Variants in COL6A2 observed in about 807,000 individuals in gnomAD.
COL6A2 encodes collagen alpha-2(VI) chain.
COL6A2 carries 90 observed loss-of-function variants against 124.9 expected under a neutral mutation model. The ratio of observed to expected loss-of-function variants is 0.72; its 90% CI spans 0.61 to 0.86. The LOEUF is 0.86. Ranked by LOEUF, COL6A2 falls within the 40% of genes least tolerant of loss-of-function variation. The pLI is 0.00. For missense variants in COL6A2, 1,607 were observed against 1,502.5 expected, an observed-to-expected ratio of 1.07 and a Z score of -1.15; for synonymous variants, 793 against 618.2, an observed-to-expected ratio of 1.28 and a Z score of -4.19.
At position 46,116,380 on chromosome 21, in the gene COL6A2, G is replaced by T. The variant is rs755822013; in HGVS notation, c.904G>T (p.Val302Phe). 6.2e-7 allele frequency: 1 copy of T among 1,612,860 alleles called. No homozygotes were observed. Among genetic ancestry groups the T allele is most frequent in the South Asian group, 1.1e-5 (1 of 91,076 alleles). ...CCCTCTCTCCTCCTGCCCCCAGGGC[G>T]TTCCTGGCTTCAAAGGAGAGAAGGT... ...GPIGFPGPKG[V>F]PGFKGEKGEF... Residue 302 changes from valine (V) to phenylalanine (F), a missense_variant, in exon 8 of 28, where the codon GTT becomes TTT. Around this residue, in one of 3 missense-constraint regions of COL6A2, gnomAD observed 42 missense variants for 68.7 expected, o/e 0.61. Transcript: ENST00000300527. This position sits in a 1 kb window ranked among gnomAD's most constrained non-coding sequence, Gnocchi z 4.6.
chr21:46,125,594 C>T lies in COL6A2; in HGVS notation c.1946C>T (p.Ala649Val). 1.2e-6 allele frequency: 2 copies of T among 1,612,200 alleles called. No individual in the cohort carries two copies. The highest frequency in any genetic ancestry group is 2.7e-5 in the African/African-American group (2 of 74,968). ...INVVNRLGAI[A>V]KDPKSETGTR... ...GTGGTCAACAGGCTGGGTGCCATCGCTAAGGACCCCAAGTCCGAGACAGGT... is the reference window on the plus strand; with the variant it reads ...GTGGTCAACAGGCTGGGTGCCATCGTTAAGGACCCCAAGTCCGAGACAGGT... Residue 649 changes from alanine to valine, a missense_variant, in exon 25 of 28, where the codon GCT (alanine) becomes GTT (valine). Ala to Val is a moderately conservative substitution (Grantham distance 64). This residue lies in a region of COL6A2 where 1,223 missense variants were observed against 1,052.2 expected (regional missense o/e 1.16). Coordinates refer to ENST00000300527, the MANE Select transcript of COL6A2 (RefSeq NM_001849.4).
At position 46,112,431 on chromosome 21, in the gene COL6A2, G is replaced by A. The variant is rs150877061; in HGVS notation, c.568G>A (p.Val190Met). 246 of 1,609,336 alleles carry A rather than the reference G, an allele frequency of 1.5e-4. No homozygotes were observed. The African/African-American group carries it at 2.7e-3, about 18-fold the overall frequency. Residue 190 changes from valine to methionine, a missense_variant, in exon 3 of 28, where the codon GTG becomes ATG. Transcript: ENST00000300527. The stretch of plus-strand genomic sequence containing the variant: ...CGAGGAGGGCATCCGGCTCTTCGCC[G>A]TGGCCCCCAACCAGAACCTGAAGGA... ...AREEGIRLFA[V>M]APNQNLKEQG...
chr21:46,128,919 T>G, intron 27 of COL6A2: 2 of 1,613,094 alleles, frequency 1.2e-6, no homozygotes, highest in Non-Finnish European at 8.5e-7. Context: ...ACGGAGCTGT[T>G]TTGTGCTGAA....
chr21:46,132,799 G>C lies in COL6A2; in HGVS notation c.*247G>C, dbSNP rs1391479967. Reference sequence around the variant, plus strand: ...CCATCCCAAGGCTCCTGACCTACCTGGCCCCTGAGCTCTGGAGCAAGCCCT... The same window carrying C: ...CCATCCCAAGGCTCCTGACCTACCTCGCCCCTGAGCTCTGGAGCAAGCCCT... On this transcript the variant is annotated 3_prime_UTR_variant, in exon 28 of 28. Coordinates refer to ENST00000300527, the MANE Select transcript of COL6A2 (RefSeq NM_001849.4). 1.0e-5 allele frequency: 6 copies of C among 578,468 alleles called. No homozygotes were observed. Among genetic ancestry groups the C allele is most frequent in the Non-Finnish European group, 1.9e-5 (6 of 322,918 alleles). The allele number at this position is 578,468 out of a possible 1,614,324, so 35.8% of individuals were successfully genotyped here.
At chr21:46,106,310 T>C (rs2078334930) in intron 1 of COL6A2, among the ~76,000 whole-genome samples, 1 of 152,200 alleles carries the variant, frequency 6.6e-6, no homozygotes, top group South Asian at 2.1e-4. Flanking sequence ...ATGATGGTCA[T>C]ATGTGGGAGC....
chr21:46,104,413 C>T (rs1463823887), intron 1 of COL6A2, among the ~76,000 whole-genome samples: 1 of 152,084 alleles, frequency 6.6e-6, no homozygotes. Flanking sequence ...TAGAGAAATG[C>T]AAAGGCAGAT....
chr21:46,108,605 G>A (rs547831710), intron 1 of COL6A2, among the ~76,000 whole-genome samples: 21 of 152,230 alleles, frequency 1.4e-4, no homozygotes, highest in Admixed American at 2.6e-4. Context: ...TTCTTAGTTA[G>A]AAATTGATGT....
chr21:46,124,826 GAGAGACTCAGCCACCCAGCCTTGGCCCC>G (rs1037603923), intron 22 of COL6A2, 31 bp from the exon 23 acceptor site: 19 of 1,607,638 alleles, frequency 1.2e-5, no homozygotes, highest in South Asian at 7.7e-5. Flanking sequence ...AGTGGCCTGG[GAGAGACTCAGCCACCCAGCCTTGGCCCC>G]AGAGTCTCAG....
chr21:46,114,362 T>C (rs906276054), intron 5 of COL6A2, among the ~76,000 whole-genome samples: 1 of 150,998 alleles, frequency 6.6e-6, no homozygotes, highest in Non-Finnish European at 1.5e-5. Context: ...GAAGCGGAGG[T>C]TGCAGTGAGC....
chr21:46,115,931 T>C lies in COL6A2; in HGVS notation c.855+6T>C, dbSNP rs2123625729. The C allele has an allele frequency of 3.7e-6, 6 of 1,612,584 alleles. No homozygotes were observed. Among genetic ancestry groups the C allele is most frequent in the South Asian group, 2.2e-5 (2 of 91,058 alleles). On this transcript the variant is annotated splice_donor_region_variant and intron_variant, in intron 6 of 27. Coordinates refer to ENST00000300527, the MANE Select transcript of COL6A2 (RefSeq NM_001849.4). ...CTGGCCAGAAGGGAAGACAGGTGAG[T>C]GTCCTTGCCCCACGCCCGCCCCGCC... is the stretch of plus-strand genomic sequence containing the variant.
Position 46,125,600 on chromosome 21 carries a change from AC to A in COL6A2, c.1956del (p.Lys653SerfsTer102), listed in dbSNP as rs1004649901. On this transcript the variant is annotated frameshift_variant, in exon 25 of 28. Transcript: ENST00000300527. LOFTEE classifies it high-confidence loss of function. ...AACAGGCTGGGTGCCATCGCTAAGG[AC>A]CCCAAGTCCGAGACAGGTCAGCGGG... ...VVNRLGAIAK[D>X]PKSETGTRVG... The A allele has an allele frequency of 1.3e-6, 2 of 1,599,898 alleles. No individual in the cohort carries two copies.
At position 46,116,495 on chromosome 21, in the gene COL6A2, G is replaced by C; in HGVS notation, c.927+92G>C. On this transcript the variant is annotated intron_variant, in intron 8 of 27. Transcript: ENST00000300527. The surrounding 1 kb of genome is among the most constrained non-coding windows in gnomAD (Gnocchi z 4.6). The stretch of plus-strand genomic sequence containing the variant: ...CCGCCGCAGCCTGTCACTGCTCCTG[G>C]GGCACCGGCCTGGTCTTTTCTCAGT... 2 of 1,586,164 alleles carry C rather than the reference G, an allele frequency of 1.3e-6. No homozygotes were observed. Among genetic ancestry groups the C allele is most frequent in the Non-Finnish European group, 1.7e-6 (2 of 1,158,876 alleles).
chr21:46,121,689 C>G, intron 18 of COL6A2, 71 bp downstream of exon 18: 1 of 1,491,852 alleles, frequency 6.7e-7, no homozygotes, highest in Non-Finnish European at 9.3e-7. Context: ...GACAGGGGGC[C>G]GGCCTGGGGG....
intron 4 of COL6A2, chr21:46,113,716 C>T: frequency 2.0e-6 from 1 of 504,938 alleles, no homozygotes. Context: ...GTGAGCTGCA[C>T]CCGGCCTTTC....
chr21:46,112,382 C>G lies in COL6A2; in HGVS notation c.519C>G (p.Ile173Met). The G allele has an allele frequency of 6.2e-7, 1 of 1,608,234 alleles. No homozygotes were observed. Among genetic ancestry groups the G allele is most frequent in the South Asian group, 1.1e-5 (1 of 90,904 alleles). Residue 173 changes from isoleucine to methionine, a missense_variant, in exon 3 of 28, where the codon ATC (isoleucine) becomes ATG (methionine). Ile to Met is a conservative substitution (Grantham distance 10). Around this residue, in one of 3 missense-constraint regions of COL6A2, gnomAD observed 342 missense variants for 381.5 expected, o/e 0.90. Coordinates refer to ENST00000300527, the MANE Select transcript of COL6A2 (RefSeq NM_001849.4). Reference protein sequence around the residue: ...GHVTGSPCGGIKLQAERAREE... With the variant: ...GHVTGSPCGGMKLQAERAREE... Reference sequence around the variant, plus strand: ...TCACCGGCAGCCCCTGCGGGGGCATCAAGCTGCAGGCCGAGCGGGCCCGCG... The same window carrying G: ...TCACCGGCAGCCCCTGCGGGGGCATGAAGCTGCAGGCCGAGCGGGCCCGCG...
At chr21:46,106,853 C>A (rs1180509941) in intron 1 of COL6A2, among the ~76,000 whole-genome samples, 6 of 152,150 alleles carry the variant, frequency 3.9e-5, no homozygotes, top group Non-Finnish European at 8.8e-5. Flanking sequence ...TTTTATTTTG[C>A]TCAACTCTTC....
chr21:46,122,525 C>T lies in COL6A2; in HGVS notation c.1602C>T (p.Gly534=), dbSNP rs768189485. 2 of 1,612,606 alleles carry T rather than the reference C, an allele frequency of 1.2e-6. No individual in the cohort carries two copies. Among genetic ancestry groups the T allele is most frequent in the African/African-American group, 2.7e-5 (2 of 74,898 alleles). The change falls in exon 20 of 28, where the codon GGC becomes GGT. Residue 534 remains glycine, a synonymous_variant. Transcript: ENST00000300527. ...PGEKGEPGPR[G]PEGGRGDFGL... Reference sequence around the variant, plus strand: ...AAAAAGGCGAGCCCGGCCCACGCGGCCCCGAGGTATGTGTGGGTCCTGGCC... The same window carrying T: ...AAAAAGGCGAGCCCGGCCCACGCGGTCCCGAGGTATGTGTGGGTCCTGGCC...
At chr21:46,123,952 A>G (rs1210117048) in intron 21 of COL6A2, among the ~76,000 whole-genome samples, 7 of 136,430 alleles carry the variant, frequency 5.1e-5, no homozygotes, top group Non-Finnish European at 7.8e-5. Context: ...TGGGTGGATG[A>G]GTGGATAGAT....
At chr21:46,124,452 C>T (rs751677296) in intron 21 of COL6A2, among the ~76,000 whole-genome samples, 199 bp from the exon 22 acceptor site, 11 of 152,212 alleles carry the variant, frequency 7.2e-5, no homozygotes, top group East Asian at 1.9e-4. Context: ...CAGGCTCTGA[C>T]GGTGGCCACT....
Sources: gnomAD v4.1 joint callset for allele counts (sites outside exome capture counted in the v4.1 genomes callset) on GRCh38, gnomAD v4.1.1 for gene constraint, gnomAD v4.1.1 regional missense constraint, Gnocchi (gnomAD v3.1) non-coding constraint, MANE v1.5 for transcripts, NCBI Gene and HGNC (gene_info 2026-07-23, HGNC 2026-07-21) for gene names.